Variants in CSMD1 observed in about 807,000 individuals in gnomAD.
CSMD1 encodes CUB and sushi domain-containing protein 1.
In CSMD1, 213 loss-of-function variants were observed where a neutral mutation model predicts 417.5. The observed-to-expected ratio is 0.51, with a 90% CI of 0.46 to 0.57. The LOEUF is 0.57. Ranked by LOEUF, CSMD1 falls within the 20% of genes least tolerant of loss-of-function variation. The pLI is 0.00. For synonymous variants in CSMD1, 2,862 were observed against 1,736.8 expected, an observed-to-expected ratio of 1.65 and a Z score of -16.11; for missense variants, 6,923 against 4,529.7, an observed-to-expected ratio of 1.53 and a Z score of -15.17.
chr8:4,475,161 T>A (rs1331319170), intron 2 of CSMD1, among the ~76,000 whole-genome samples: 1 of 152,210 alleles, frequency 6.6e-6, no homozygotes, highest in Non-Finnish European at 1.5e-5. Flanking sequence ...AGCCTATTGA[T>A]ATGATTATGG....
chr8:4,442,867 T>C (rs1044539711), intron 2 of CSMD1, among the ~76,000 whole-genome samples: 2 of 152,184 alleles, frequency 1.3e-5, no homozygotes, highest in Non-Finnish European at 2.9e-5. Flanking sequence ...GGACTGTAAA[T>C]TAATGAGATT....
At chr8:3,230,315 A>C in intron 26 of CSMD1, 84 bp from the exon 27 acceptor site, 2 of 1,132,056 alleles carry the variant, frequency 1.8e-6, no homozygotes, top group Non-Finnish European at 2.4e-6. Context: ...TTGTGGGTTG[A>C]AGCACTCTTC....
intron 2 of CSMD1, among the ~76,000 whole-genome samples, chr8:4,604,759 A>C (rs28525240): frequency 0.053 from 8,067 of 152,202 alleles, 414 homozygotes; most frequent in African/African-American, 0.13. Flanking sequence ...TTTGCAGTTA[A>C]TTTTGTAAAA....
chr8:3,535,898 C>A (rs1798176267), intron 10 of CSMD1, among the ~76,000 whole-genome samples: 1 of 152,112 alleles, frequency 6.6e-6, no homozygotes, highest in African/African-American at 2.4e-5. Context: ...ACTAAGCTTC[C>A]CCCTCCTGGT....
chr8:4,983,449 A>C (rs1294312559), intron 1 of CSMD1, among the ~76,000 whole-genome samples: 2 of 152,254 alleles, frequency 1.3e-5, no homozygotes, highest in African/African-American at 4.8e-5. Context: ...AGTGCCCTTC[A>C]GTTCTCCAGG....
intron 26 of CSMD1, among the ~76,000 whole-genome samples, chr8:3,233,466 T>C (rs1002947766): frequency 6.6e-6 from 1 of 152,234 alleles, no homozygotes; most frequent in Non-Finnish European, 1.5e-5. Flanking sequence ...TCTTTATAAA[T>C]TACCCAGTTT....
chr8:4,829,410 T>A (rs1265291888), intron 1 of CSMD1, among the ~76,000 whole-genome samples: 1 of 152,178 alleles, frequency 6.6e-6, no homozygotes, highest in Non-Finnish European at 1.5e-5. Flanking sequence ...GACTTAGTCA[T>A]ACCTTTTACT....
chr8:3,049,272 A>C (rs2128987831), intron 50 of CSMD1, among the ~76,000 whole-genome samples: 1 of 152,254 alleles, frequency 6.6e-6, no homozygotes, highest in Admixed American at 6.5e-5. Context: ...CTGTATAAAA[A>C]CCTTGCACAC....
chr8:4,054,368 C>T (rs928115037), intron 3 of CSMD1, among the ~76,000 whole-genome samples: 1 of 152,160 alleles, frequency 6.6e-6, no homozygotes, highest in African/African-American at 2.4e-5. Context: ...TTGCCTTCAT[C>T]CCATATAGGG....
At chr8:4,197,590 A>G (rs1799413061) in intron 3 of CSMD1, among the ~76,000 whole-genome samples, 1 of 152,182 alleles carries the variant, frequency 6.6e-6, no homozygotes, top group African/African-American at 2.4e-5. Flanking sequence ...AATAAAAATC[A>G]TCTTCCAGCT....
chr8:4,206,814 A>G (rs1252368310), intron 3 of CSMD1, among the ~76,000 whole-genome samples: 1 of 152,218 alleles, frequency 6.6e-6, no homozygotes, highest in African/African-American at 2.4e-5. Flanking sequence ...TCTAATATTT[A>G]TGACTTTTGA....
intron 3 of CSMD1, among the ~76,000 whole-genome samples, chr8:4,393,919 G>T (rs927494963): frequency 3.3e-5 from 5 of 152,156 alleles, no homozygotes; most frequent in African/African-American, 1.2e-4. Flanking sequence ...AAATCCGTTA[G>T]CTAGATTGTA....
At chr8:4,901,080 A>G (rs549603226) in intron 1 of CSMD1, among the ~76,000 whole-genome samples, 1 of 152,380 alleles carries the variant, frequency 6.6e-6, no homozygotes, top group East Asian at 1.9e-4. Context: ...GAAGCAATTC[A>G]ACTTATTATT....
At chr8:3,435,726 C>T (rs142657578) in intron 12 of CSMD1, among the ~76,000 whole-genome samples, 3 of 152,192 alleles carry the variant, frequency 2.0e-5, no homozygotes, top group Non-Finnish European at 2.9e-5. Flanking sequence ...CAACACCCTA[C>T]ACGTCACTCA....
chr8:4,301,605 C>T (rs942006427), intron 3 of CSMD1, among the ~76,000 whole-genome samples: 15 of 152,196 alleles, frequency 9.9e-5, no homozygotes, highest in African/African-American at 3.6e-4. Context: ...ATTGTATAAG[C>T]TGAACCAGTC....
chr8:4,624,109 C>T (rs1780785397), intron 2 of CSMD1, among the ~76,000 whole-genome samples: 1 of 152,078 alleles, frequency 6.6e-6, no homozygotes, highest in African/African-American at 2.4e-5. Flanking sequence ...GTAAACTGGG[C>T]TCTCTGTATA....
At chr8:3,639,034 T>C (rs1039040301) in intron 7 of CSMD1, among the ~76,000 whole-genome samples, 2 of 152,222 alleles carry the variant, frequency 1.3e-5, no homozygotes, top group Non-Finnish European at 2.9e-5. Flanking sequence ...GTCCCCAATA[T>C]CCTTCTTTCA....
chr8:3,450,275 T>C (rs1815612029), intron 12 of CSMD1, among the ~76,000 whole-genome samples: 1 of 152,010 alleles, frequency 6.6e-6, no homozygotes, highest in African/African-American at 2.4e-5. Flanking sequence ...TTTCAGATCT[T>C]CCTACCCATA....
chr8:4,054,270 C>G (rs866300613), intron 3 of CSMD1, among the ~76,000 whole-genome samples: 1 of 96,758 alleles, frequency 1.0e-5, no homozygotes, highest in Non-Finnish European at 2.1e-5. Context: ...TAAGAGGTGA[C>G]GGGGAAGTGA....
Sources: allele counts gnomAD v4.1 joint callset (sites outside exome capture counted in the v4.1 genomes callset), GRCh38; gene constraint gnomAD v4.1.1; transcripts MANE v1.5; gene names NCBI Gene and HGNC (gene_info 2026-07-23, HGNC 2026-07-21).